The following OXR1 variants were observed in gnomAD, a reference collection of about 807,000 sequenced individuals.
OXR1 encodes oxidation resistance 1.
In OXR1, 41 loss-of-function variants were observed where a neutral mutation model predicts 104.6. The observed-to-expected ratio is 0.39, with a 90% CI of 0.31 to 0.51. The LOEUF (loss-of-function observed/expected upper bound fraction) is 0.51, where lower values mean the gene tolerates loss of function less well. Ranked by LOEUF, OXR1 falls within the 20% of genes least tolerant of loss-of-function variation. The probability of loss-of-function intolerance (pLI) is 0.77; values close to 1 mark genes in which losing one functional copy is unlikely to be tolerated. For synonymous variants in OXR1, 348 were observed against 348.4 expected, an observed-to-expected ratio of 1.00 and a Z score of 0.01; for missense variants, 955 against 1,031.9, an observed-to-expected ratio of 0.93 and a Z score of 1.02.
Position 106,739,449 on chromosome 8 carries a change from C to T in OXR1, c.2038-9C>T. ...TACATTAATGCACTACCTCTATTTA[C>T]TGTTTTAGATTACTACAAGGGAAGA... On this transcript the variant is annotated splice_polypyrimidine_tract_variant and intron_variant, in intron 12 of 16. Transcript: ENST00000517566. 1 of 1,609,242 alleles carries T rather than the reference C, an allele frequency of 6.2e-7. No homozygotes were observed. The highest frequency in any genetic ancestry group is 8.5e-7 in the Non-Finnish European group (1 of 1,176,872).
At chr8:106,326,692 C>T (rs1176639971) in intron 1 of OXR1, among the ~76,000 whole-genome samples, 1 of 152,088 alleles carries the variant, frequency 6.6e-6, no homozygotes, top group Non-Finnish European at 1.5e-5. Context: ...GCAGAGGGAC[C>T]AGCCAGTGCA....
At chr8:106,315,474 T>C (rs767406250) in intron 1 of OXR1, among the ~76,000 whole-genome samples, 2 of 152,182 alleles carry the variant, frequency 1.3e-5, no homozygotes, top group African/African-American at 2.4e-5. Context: ...TAATTTGTAG[T>C]TGAACATCTG....
Position 106,302,845 on chromosome 8 carries a change from A to G in OXR1, c.-139+32478A>G, listed in dbSNP as rs1286391587. Reference sequence around the variant, plus strand: ...CGGCTCACTGCAAGCTCCGCCTCCCAGGTTCATGCCATTCTCCTGCCTCGG... The same window carrying G: ...CGGCTCACTGCAAGCTCCGCCTCCCGGGTTCATGCCATTCTCCTGCCTCGG... On this transcript the variant is annotated intron_variant, in intron 1 of 16. Transcript: ENST00000517566. Among the ~76,000 whole-genome samples, 6 of 151,838 alleles carry G rather than the reference A, an allele frequency of 4.0e-5. No homozygotes were observed. In the East Asian group the frequency reaches 6.0e-4, roughly 15 times the overall value.
intron 8 of OXR1, among the ~76,000 whole-genome samples, chr8:106,704,310 T>C (rs1317882432): frequency 2.1e-5 from 3 of 140,096 alleles, no homozygotes; most frequent in Admixed American, 1.4e-4. Context: ...TATATACATA[T>C]ATGGAGAGAG....
At chr8:106,378,246 C>G (rs926812363) in intron 2 of OXR1, among the ~76,000 whole-genome samples, 1 of 152,174 alleles carries the variant, frequency 6.6e-6, no homozygotes, top group Non-Finnish European at 1.5e-5. Context: ...CTTAGTGACA[C>G]AGTGAAACTC....
intron 3 of OXR1, among the ~76,000 whole-genome samples, chr8:106,524,369 G>C (rs1813494766): frequency 6.6e-6 from 1 of 152,212 alleles, no homozygotes; most frequent in Non-Finnish European, 1.5e-5. Context: ...AGGTATACCT[G>C]TACAGTTCTA....
intron 3 of OXR1, among the ~76,000 whole-genome samples, chr8:106,554,990 T>C (rs1816155475): frequency 2.0e-5 from 3 of 152,188 alleles, no homozygotes; most frequent in Admixed American, 2.0e-4. Flanking sequence ...AATTAATGTA[T>C]TAATCATCTC....
intron 3 of OXR1, among the ~76,000 whole-genome samples, chr8:106,534,677 C>T (rs1230831512): frequency 6.6e-6 from 1 of 152,120 alleles, no homozygotes; most frequent in African/African-American, 2.4e-5. Flanking sequence ...GTTTGTTGGT[C>T]AGTTTTTCAA....
At chr8:106,440,664 A>G (rs1393081351) in intron 2 of OXR1, among the ~76,000 whole-genome samples, 3 of 152,206 alleles carry the variant, frequency 2.0e-5, no homozygotes, top group Middle Eastern at 3.4e-3. Flanking sequence ...TCAGGAAGGC[A>G]TAGGATTTGG....
In OXR1 at chr8:106,734,323, G is replaced by A. The variant is rs577453780; in HGVS notation, c.1957-3197G>A. On this transcript the variant is annotated intron_variant, in intron 11 of 16. Transcript: ENST00000517566. ...CAACGGCTTATGTGACTTCAAGGAT[G>A]CTGTTGTATGCTCTTTTTGTTTGAT... 7.2e-4 allele frequency among the ~76,000 whole-genome samples: 109 copies of A among 152,276 alleles called. 1 individual carries two copies. Among genetic ancestry groups the A allele is most frequent in the African/African-American group, 2.5e-3 (104 of 41,580 alleles).
chr8:106,424,428 CCT>C (rs1319071006), intron 2 of OXR1, among the ~76,000 whole-genome samples: 16 of 151,898 alleles, frequency 1.1e-4, no homozygotes, highest in Admixed American at 9.9e-4. Flanking sequence ...GGTAATTTCC[CCT>C]GTCATGAAAT....
rs190309965 is a variant in OXR1, at chr8:106,315,334, C to T, written c.-138-44142C>T. ...CACAAAGCTATCACATTTTTCTTCC[C>T]GTTTTCTCTATTTCAGTAATATTTA... On this transcript the variant is annotated intron_variant, in intron 1 of 16. Transcript: ENST00000517566. 4.6e-4 allele frequency among the ~76,000 whole-genome samples: 70 copies of T among 152,106 alleles called. 1 individual carries two copies. The highest frequency in any genetic ancestry group is 1.6e-3 in the African/African-American group (67 of 41,532).
chr8:106,420,143 A>G (rs946454885), intron 2 of OXR1, among the ~76,000 whole-genome samples: 2 of 152,294 alleles, frequency 1.3e-5, no homozygotes, highest in Non-Finnish European at 2.9e-5. Context: ...AATTTAACAT[A>G]TAAGAAACTG....
At chr8:106,633,247 CA>C (rs1822850568) in intron 3 of OXR1, among the ~76,000 whole-genome samples, 1 of 151,516 alleles carries the variant, frequency 6.6e-6, no homozygotes, top group South Asian at 2.1e-4. Context: ...CAAAACAAAA[CA>C]AAACAAACAA....
chr8:106,303,107 A>C (rs1031272209), intron 1 of OXR1, among the ~76,000 whole-genome samples: 14 of 151,868 alleles, frequency 9.2e-5, no homozygotes, highest in Admixed American at 2.0e-4. Context: ...GCCCTGAATA[A>C]GTTAGCCTAA....
intron 2 of OXR1, among the ~76,000 whole-genome samples, chr8:106,411,116 G>A (rs1818441879): frequency 6.6e-6 from 1 of 152,052 alleles, no homozygotes; most frequent in Non-Finnish European, 1.5e-5. Flanking sequence ...AGCATTTTAT[G>A]ATATGGGACT....
At chr8:106,420,363 T>A (rs1818855135) in intron 2 of OXR1, among the ~76,000 whole-genome samples, 1 of 151,954 alleles carries the variant, frequency 6.6e-6, no homozygotes, top group South Asian at 2.1e-4. Context: ...GAAATAAATA[T>A]ATTATTCTTT....
intron 3 of OXR1, among the ~76,000 whole-genome samples, chr8:106,607,735 G>A (rs1236609715): frequency 6.6e-6 from 1 of 152,108 alleles, no homozygotes; most frequent in African/African-American, 2.4e-5. Flanking sequence ...TAGACATTTT[G>A]CATACATTAT....
intron 3 of OXR1, among the ~76,000 whole-genome samples, chr8:106,565,520 A>C (rs1376357795): frequency 6.6e-6 from 1 of 152,244 alleles, no homozygotes; most frequent in Non-Finnish European, 1.5e-5. Context: ...CATGGATAGG[A>C]AGAATAAATA....
Sources: gnomAD v4.1 joint callset for allele counts (sites outside exome capture counted in the v4.1 genomes callset) on GRCh38, gnomAD v4.1.1 for gene constraint, MANE v1.5 for transcripts, NCBI Gene and HGNC (gene_info 2026-07-23, HGNC 2026-07-21) for gene names.